The following EEA1 variants were observed in gnomAD, a reference collection of about 807,000 sequenced individuals.
The protein encoded by EEA1 is early endosome antigen 1.
Under a neutral mutation model 209.2 loss-of-function variants are expected in EEA1, and 111 were observed. The observed-to-expected ratio is 0.53, with a 90% CI of 0.45 to 0.62. EEA1 has a LOEUF of 0.62. Among genes scored for constraint, EEA1 ranks in the 20% least tolerant of loss-of-function variants. The probability of loss-of-function intolerance (pLI) is 0.00; values close to 1 mark genes in which losing one functional copy is unlikely to be tolerated. For missense variants in EEA1, 1,343 were observed against 1,530.8 expected, an observed-to-expected ratio of 0.88 and a Z score of 2.05; for synonymous variants, 536 against 540.6, an observed-to-expected ratio of 0.99 and a Z score of 0.12.
Position 92,851,132 on chromosome 12 carries a change from C to T in EEA1, c.777G>A (p.Gln259=). Reference sequence around the variant, plus strand: ...TTACCTCTGAGCTAGCATATTGTGACTGCAATTTTTTGCATTCATCTTTGA... The same window carrying T: ...TTACCTCTGAGCTAGCATATTGTGATTGCAATTTTTTGCATTCATCTTTGA... ...EKLKDECKKL[Q]SQYASSEATI... is the part of the protein sequence containing the mutation. Residue 259 remains glutamine, a synonymous_variant, in exon 9 of 29, where the codon CAG becomes CAA. Transcript: ENST00000322349. The T allele has an allele frequency of 1.2e-6, 2 of 1,613,726 alleles. No homozygotes were observed. The highest frequency in any genetic ancestry group is 8.5e-7 in the Non-Finnish European group (1 of 1,179,884).
chr12:92,855,130 GTTAA>G (rs1877810064), intron 5 of EEA1, among the ~76,000 whole-genome samples: 1 of 147,374 alleles, frequency 6.8e-6, no homozygotes, highest in Non-Finnish European at 1.5e-5. Flanking sequence ...ACTTGCATTA[GTTAA>G]AACATCCTAT....
intron 14 of EEA1, 98 bp from the exon 15 acceptor site, chr12:92,816,498 T>C: frequency 1.8e-6 from 2 of 1,125,022 alleles, no homozygotes; most frequent in South Asian, 3.1e-5. Flanking sequence ...AAGTGCTTTA[T>C]GATAGTTTAT....
intron 2 of EEA1, among the ~76,000 whole-genome samples, chr12:92,881,976 C>T (rs189303731): frequency 2.8e-3 from 423 of 152,284 alleles, no homozygotes; most frequent in Non-Finnish European, 3.9e-3. Context: ...TCCTCCTCAT[C>T]CTACTCAACA....
intron 5 of EEA1, 65 bp from the exon 6 acceptor site, chr12:92,854,019 C>T: frequency 2.4e-6 from 3 of 1,261,026 alleles, no homozygotes; most frequent in Non-Finnish European, 3.2e-6. Flanking sequence ...TTAAAATGGT[C>T]AATGTTAAAA....
intron 2 of EEA1, among the ~76,000 whole-genome samples, chr12:92,877,282 T>C (rs923224445): frequency 2.1e-4 from 32 of 152,022 alleles, no homozygotes; most frequent in Middle Eastern, 3.4e-3. Context: ...TGGCCTAACC[T>C]GGGTTTTAAC....
intron 13 of EEA1, among the ~76,000 whole-genome samples, chr12:92,825,897 T>A (rs1876274315): frequency 6.7e-6 from 1 of 149,378 alleles, no homozygotes; most frequent in African/African-American, 2.4e-5. Flanking sequence ...ATATAAAATA[T>A]AATAAATACA....
chr12:92,797,384 A>G (rs1325207206), intron 21 of EEA1, among the ~76,000 whole-genome samples: 1 of 152,048 alleles, frequency 6.6e-6, no homozygotes, highest in East Asian at 1.9e-4. Context: ...CACTGCACCC[A>G]GCCAATTTTG....
At chr12:92,901,712 T>G (rs966637392) in intron 1 of EEA1, among the ~76,000 whole-genome samples, 1 of 151,892 alleles carries the variant, frequency 6.6e-6, no homozygotes, top group Non-Finnish European at 1.5e-5. Flanking sequence ...GGACTACAGG[T>G]GCACGCCACC....
At position 92,885,358 on chromosome 12, in the gene EEA1, A is replaced by G. The variant is rs909372947; in HGVS notation, c.117+6271T>C. 2.6e-5 allele frequency among the ~76,000 whole-genome samples: 4 copies of G among 152,340 alleles called. No homozygotes were observed. The East Asian group carries it at 7.7e-4, about 29-fold the overall frequency. ...TAACTTAGAAGCTGTTAAAGGCACAATGTTAAAACCTACAGCTTGTCCAAA... is the reference window on the plus strand; with the variant it reads ...TAACTTAGAAGCTGTTAAAGGCACAGTGTTAAAACCTACAGCTTGTCCAAA... On this transcript the variant is annotated intron_variant, in intron 2 of 28. Transcript: ENST00000322349.
chr12:92,859,491 G>A (rs921717148), intron 3 of EEA1, among the ~76,000 whole-genome samples: 2 of 152,102 alleles, frequency 1.3e-5, no homozygotes, highest in Non-Finnish European at 2.9e-5. Context: ...AATGAATTTA[G>A]TGAGCATAGG....
rs1016377354 is a variant in EEA1 at position 92,853,161 on chromosome 12, C to T, written c.407-136G>A. Reference sequence around the variant, plus strand: ...AATTACAAGTAGTATTTTGACACTTCAAGAAATTAAGTATATCTGCTTCAC... The same window carrying T: ...AATTACAAGTAGTATTTTGACACTTTAAGAAATTAAGTATATCTGCTTCAC... On this transcript the variant is annotated intron_variant, in intron 6 of 28. Coordinates refer to ENST00000322349, the MANE Select transcript of EEA1 (RefSeq NM_003566.4). The T allele has an allele frequency of 2.3e-5, 12 of 531,212 alleles. No homozygotes were observed. In the African/African-American group the frequency reaches 2.3e-4, roughly 10 times the overall value. 32.9% of individuals were successfully genotyped at this position (531,212 alleles called of 1,614,324 possible). A position where few individuals can be genotyped will look rare whatever the true frequency, so the allele number is the denominator to read the frequency against.
chr12:92,918,464 T>G (rs1880860189), intron 1 of EEA1, among the ~76,000 whole-genome samples: 1 of 117,284 alleles, frequency 8.5e-6, no homozygotes, highest in African/African-American at 3.6e-5. Flanking sequence ...CTCAACTACA[T>G]GGAAACTGAA....
chr12:92,833,527 A>G (rs74704512), intron 10 of EEA1, among the ~76,000 whole-genome samples: 8,064 of 152,228 alleles, frequency 0.053, 242 homozygotes, highest in Non-Finnish European at 0.061. Flanking sequence ...GCCTGGTCTC[A>G]GTGGGGTTGT....
chr12:92,852,563 C>T (rs1464342886), intron 7 of EEA1, among the ~76,000 whole-genome samples: 1 of 151,976 alleles, frequency 6.6e-6, no homozygotes, highest in East Asian at 1.9e-4. Flanking sequence ...ATGTTAAAAA[C>T]ATATATATGT....
Position 92,884,271 on chromosome 12 carries a change from A to G in EEA1, c.117+7358T>C. The G allele has an allele frequency of 1.4e-5, 21 of 1,462,212 alleles. No homozygotes were observed. The South Asian group carries it at 2.2e-4, about 15-fold the overall frequency. 90.6% of individuals were successfully genotyped at this position (1,462,212 alleles called of 1,614,324 possible). ...GATAAGACTGTCATTCAGAAATACCATACTGTGAATGGCCACAACTGTGAA... is the reference window on the plus strand; with the variant it reads ...GATAAGACTGTCATTCAGAAATACCGTACTGTGAATGGCCACAACTGTGAA... On this transcript the variant is annotated intron_variant, in intron 2 of 28. Transcript: ENST00000322349.
intron 13 of EEA1, among the ~76,000 whole-genome samples, chr12:92,820,603 G>C (rs1876003173): frequency 2.0e-5 from 3 of 152,050 alleles, no homozygotes; most frequent in Non-Finnish European, 2.9e-5. Flanking sequence ...TGGGGGTTGG[G>C]GGCAAGGAGA....
At chr12:92,785,007 C>G (rs1465598243) in intron 22 of EEA1, among the ~76,000 whole-genome samples, 1 of 136,830 alleles carries the variant, frequency 7.3e-6, no homozygotes, top group Non-Finnish European at 1.5e-5. Flanking sequence ...GTCTATTCAG[C>G]AAGTTTTCCC....
At chr12:92,822,913 C>T (rs1876124098) in intron 13 of EEA1, among the ~76,000 whole-genome samples, 2 of 152,152 alleles carry the variant, frequency 1.3e-5, no homozygotes, top group Admixed American at 1.3e-4. Context: ...TTCACTAACA[C>T]AGCTGATGAC....
rs372439702 is a variant in EEA1, at chr12:92,825,120, T to C, written c.1524+1046A>G. ...CTAGTCACAGTGCTGAGCACAGTGA[T>C]TAATGAAAGAATGAATTAAAGCCGG... is the stretch of plus-strand genomic sequence containing the variant. On this transcript the variant is annotated intron_variant, in intron 13 of 28. Transcript: ENST00000322349. 4.9e-4 allele frequency among the ~76,000 whole-genome samples: 74 copies of C among 152,240 alleles called. 1 individual carries two copies. Among genetic ancestry groups the C allele is most frequent in the African/African-American group, 1.7e-3 (69 of 41,562 alleles).
Sources: gnomAD v4.1 joint callset for allele counts (sites outside exome capture counted in the v4.1 genomes callset) on GRCh38, gnomAD v4.1.1 for gene constraint, MANE v1.5 for transcripts, NCBI Gene and HGNC (gene_info 2026-07-23, HGNC 2026-07-21) for gene names.